Variants in ARHGAP40 observed in about 807,000 individuals in gnomAD.
ARHGAP40 encodes the protein Rho GTPase activating protein 40, also known as rho GTPase-activating protein 40.
In ARHGAP40, 43 loss-of-function variants were observed where a neutral mutation model predicts 73.5. The observed-to-expected ratio is 0.58, with a 90% CI of 0.46 to 0.75. The LOEUF is 0.75. ARHGAP40 is among the 30% of genes least tolerant of loss of function. The probability of loss-of-function intolerance (pLI) is 0.00; values close to 1 mark genes in which losing one functional copy is unlikely to be tolerated. For synonymous variants in ARHGAP40, 300 were observed against 352.8 expected (o/e 0.85, Z 1.68); for missense variants, 734 against 861.8 (o/e 0.85, Z 1.86).
rs1427961839 is a variant in ARHGAP40 at position 38,621,216 on chromosome 20, A to G, written c.138-2143A>G. On this transcript the variant is annotated intron_variant, in intron 1 of 14. Coordinates refer to ENST00000373345, the Ensembl canonical transcript of ARHGAP40. Reference sequence around the variant, plus strand: ...AGGCAGCAGGGGTAAAATCAGAACAAACAAACATCCAATAAAATAGTCCTT... The same window carrying G: ...AGGCAGCAGGGGTAAAATCAGAACAGACAAACATCCAATAAAATAGTCCTT... 3.3e-5 allele frequency among the ~76,000 whole-genome samples: 5 copies of G among 152,186 alleles called. No homozygotes were observed. The East Asian group carries it at 9.6e-4, about 29-fold the overall frequency.
rs147675020 is a variant in ARHGAP40, at chr20:38,641,159, T to C, written c.1280-567T>C. Reference sequence around the variant, plus strand: ...GTCGCAGGCCTGGCGCCCAGGGTGCTCAGCCTCTGTCTCCTACGCAGCTCT... The same window carrying C: ...GTCGCAGGCCTGGCGCCCAGGGTGCCCAGCCTCTGTCTCCTACGCAGCTCT... On this transcript the variant is annotated intron_variant, in intron 9 of 14. Coordinates refer to ENST00000373345, the Ensembl canonical transcript of ARHGAP40. 1.9e-4 allele frequency among the ~76,000 whole-genome samples: 29 copies of C among 152,234 alleles called. No individual in the cohort carries two copies. In the East Asian group the frequency reaches 5.2e-3, roughly 28 times the overall value.
intron 5 of ARHGAP40, among the ~76,000 whole-genome samples, chr20:38,631,310 A>G (rs2088936696): frequency 6.6e-6 from 1 of 151,590 alleles, no homozygotes; most frequent in Non-Finnish European, 1.5e-5. Flanking sequence ...GACCTAAAAA[A>G]AAAAAAAAAA....
chr20:38,631,539 C>T (rs1296615549), intron 5 of ARHGAP40, among the ~76,000 whole-genome samples: 1 of 152,138 alleles, frequency 6.6e-6, no homozygotes, highest in Non-Finnish European at 1.5e-5. Flanking sequence ...TTCACTATCA[C>T]AAGAACAGCC....
At chr20:38,630,044 C>T in intron 5 of ARHGAP40, among the ~76,000 whole-genome samples, 1 of 150,012 alleles carries the variant, frequency 6.7e-6, no homozygotes, top group Non-Finnish European at 1.5e-5. Flanking sequence ...TCCCTTCCCT[C>T]CTCCTCCTCC....
intron 5 of ARHGAP40, among the ~76,000 whole-genome samples, chr20:38,630,265 G>A (rs1402202992): frequency 6.7e-6 from 1 of 148,626 alleles, no homozygotes; most frequent in African/African-American, 2.5e-5. Context: ...TGTCACCCAG[G>A]CGGGAGTGCA....
At chr20:38,614,094 G>GT (rs2088819310) in intron 1 of ARHGAP40, among the ~76,000 whole-genome samples, 1 of 152,130 alleles carries the variant, frequency 6.6e-6, no homozygotes, top group South Asian at 2.1e-4. Flanking sequence ...GTGTTGCTGT[G>GT]TCCCGATGTT....
At chr20:38,636,194 G>T (rs2088973863) in intron 6 of ARHGAP40, among the ~76,000 whole-genome samples, 1 of 152,068 alleles carries the variant, frequency 6.6e-6, no homozygotes, top group South Asian at 2.1e-4. Context: ...GAGGGGTAAT[G>T]AATTTAGAAC....
At chr20:38,630,147 TTCCC>T (rs200343913) in intron 5 of ARHGAP40, among the ~76,000 whole-genome samples, 12 of 137,252 alleles carry the variant, frequency 8.7e-5, no homozygotes, top group African/African-American at 2.2e-4. Flanking sequence ...TCCTCCCTCC[TTCCC>T]TCCCTCCCTC....
At chr20:38,622,353 G>A (rs150943678) in intron 1 of ARHGAP40, among the ~76,000 whole-genome samples, 1 of 152,190 alleles carries the variant, frequency 6.6e-6, no homozygotes, top group African/African-American at 2.4e-5. Flanking sequence ...CTATTTGCTG[G>A]CATGTGTCAG....
chr20:38,614,975 G>A (rs2088826262), intron 1 of ARHGAP40: 3 of 1,243,440 alleles, frequency 2.4e-6, no homozygotes, highest in Non-Finnish European at 3.6e-6. Flanking sequence ...TGTACGTGTG[G>A]TTGAGCGCTT....
At chr20:38,628,988 C>T in exon 4 of ARHGAP40, 1 of 1,304,986 alleles carries the variant, frequency 7.7e-7, no homozygotes, top group Non-Finnish European at 1.0e-6. Context: ...TCCGGGGCCT[C>T]TAAGTTTCCT....
chr20:38,632,513 G>A (rs1014659210), intron 5 of ARHGAP40, among the ~76,000 whole-genome samples: 5 of 151,150 alleles, frequency 3.3e-5, no homozygotes, highest in African/African-American at 7.3e-5. Context: ...CGCCAGCCTC[G>A]GCCTCCCAAA....
At chr20:38,605,634 A>G (rs930599212) in intron 1 of ARHGAP40, among the ~76,000 whole-genome samples, 10 of 152,242 alleles carry the variant, frequency 6.6e-5, no homozygotes, top group African/African-American at 2.4e-4. Flanking sequence ...AAAAGTAGCA[A>G]GTGAAATCCA....
At chr20:38,647,078 G>T in exon 13 of ARHGAP40, 1 of 1,305,260 alleles carries the variant, frequency 7.7e-7, no homozygotes, top group African/African-American at 1.5e-5. Flanking sequence ...CTCAGCCCTG[G>T]TTCCAAGGGT....
At chr20:38,609,582 CG>C (rs2088792696) in intron 1 of ARHGAP40, among the ~76,000 whole-genome samples, 1 of 152,172 alleles carries the variant, frequency 6.6e-6, no homozygotes, top group Admixed American at 6.5e-5. Flanking sequence ...CCATGGAGGG[CG>C]GTAAGTGCCA....
chr20:38,605,860 C>A (rs966236334), intron 1 of ARHGAP40, among the ~76,000 whole-genome samples: 2 of 151,958 alleles, frequency 1.3e-5, no homozygotes, highest in Non-Finnish European at 2.9e-5. Context: ...AATATCTTTT[C>A]CTGGAAAGAC....
At chr20:38,613,461 G>T (rs1291164442) in intron 1 of ARHGAP40, among the ~76,000 whole-genome samples, 1 of 152,162 alleles carries the variant, frequency 6.6e-6, no homozygotes. Context: ...AACAATAGGT[G>T]CCCAGGTCCC....
chr20:38,604,794 C>T (rs142927286), intron 1 of ARHGAP40, among the ~76,000 whole-genome samples: 45 of 152,224 alleles, frequency 3.0e-4, no homozygotes, highest in African/African-American at 1.1e-3. Context: ...AATACTACCT[C>T]CACTCAGGTA....
At chr20:38,650,612 C>T (rs220519) in exon 15 of ARHGAP40, 308,360 of 470,600 alleles carry the variant, frequency 0.66, 103,235 homozygotes, top group African/African-American at 0.89. Flanking sequence ...AATATGTAAA[C>T]GTAATTGTTT....
Sources: allele counts gnomAD v4.1 joint callset (sites outside exome capture counted in the v4.1 genomes callset), GRCh38; gene constraint gnomAD v4.1.1; transcripts MANE v1.5; gene names NCBI Gene and HGNC (gene_info 2026-07-23, HGNC 2026-07-21).